The following PINK1 variants were observed in gnomAD, a reference collection of about 807,000 sequenced individuals.
The protein encoded by PINK1 is PTEN induced kinase 1, also known as serine/threonine-protein kinase PINK1, mitochondrial.
Under a neutral mutation model 56.0 loss-of-function variants are expected in PINK1, and 58 were observed. The ratio of observed to expected loss-of-function variants is 1.04; its 90% CI spans 0.84 to 1.29. The LOEUF is 1.29. PINK1 is among the 50% of genes most tolerant of loss of function. The pLI is 0.00. For synonymous variants in PINK1, 354 were observed against 339.3 expected, an observed-to-expected ratio of 1.04 and a Z score of -0.48; for missense variants, 745 against 777.9, an observed-to-expected ratio of 0.96 and a Z score of 0.50.
In PINK1 at chr1:20,645,609, C is replaced by T. The variant is rs748041977; in HGVS notation, c.1009C>T (p.Arg337Cys). 35 of 1,614,048 alleles carry T rather than the reference C, an allele frequency of 2.2e-5. No individual in the cohort carries two copies. Among genetic ancestry groups the T allele is most frequent in the Non-Finnish European group, 2.7e-5 (32 of 1,180,044 alleles). ...QYLCVNTPSP[R>C]LAAMMLLQLL... ...CCTTTGTGTGAACACACCCAGCCCC[C>T]GCCTCGCCGCCATGATGCTGCTGCA... The change falls in exon 5 of 8, where the codon CGC becomes TGC. Residue 337 changes from arginine (R) to cysteine (C), a missense_variant. Transcript: ENST00000321556.
chr1:20,636,405 G>A (rs571513920), intron 1 of PINK1, among the ~76,000 whole-genome samples: 15 of 151,130 alleles, frequency 9.9e-5, no homozygotes, highest in South Asian at 4.2e-4. Flanking sequence ...GCAATGGCAC[G>A]ATCTCAGCTC....
At chr1:20,644,982 C>T (rs2053160374) in intron 4 of PINK1, among the ~76,000 whole-genome samples, 1 of 152,188 alleles carries the variant, frequency 6.6e-6, no homozygotes, top group South Asian at 2.1e-4. Context: ...GTTCTCCTTC[C>T]TCACCCTCTG....
intron 1 of PINK1, among the ~76,000 whole-genome samples, chr1:20,635,747 G>A (rs1351684477): frequency 6.9e-6 from 1 of 145,246 alleles, no homozygotes; most frequent in Non-Finnish European, 1.5e-5. Flanking sequence ...TACTCGGGAG[G>A]CTGAGGCAGG....
chr1:20,641,742 C>G lies in PINK1; in HGVS notation c.776+1750C>G, dbSNP rs976999468. 3.9e-5 allele frequency among the ~76,000 whole-genome samples: 6 copies of G among 152,076 alleles called. No individual in the cohort carries two copies. The highest frequency in any genetic ancestry group is 1.3e-4 in the Admixed American group (2 of 15,262). On this transcript the variant is annotated intron_variant, in intron 3 of 7. Coordinates refer to ENST00000321556, the MANE Select transcript of PINK1 (RefSeq NM_032409.3). The surrounding 1 kb of genome is among the most constrained non-coding windows in gnomAD (Gnocchi z 4.0). ...TCTCACCACGTCTCCCGCCTTATCT[C>G]TCACCCTTCTCATCAGCACCCTACA...
intron 1 of PINK1, 48 bp downstream of exon 1, chr1:20,633,983 G>A (rs1010332507): frequency 6.5e-7 from 1 of 1,548,950 alleles, no homozygotes; most frequent in Non-Finnish European, 8.7e-7. Context: ...AGCTAAGCGC[G>A]GGGGCGGGTC....
Position 20,649,238 on chromosome 1 carries a change from C to T in PINK1, c.1488+7C>T, listed in dbSNP as rs758604062. On this transcript the variant is annotated splice_region_variant and intron_variant, in intron 7 of 7. Transcript: ENST00000321556. ...CCAGCGAGAGGCCAGCAAGGTGAGG[C>T]TGTCCCCGGCTTCGAGGGGACGGTG... 6.8e-6 allele frequency: 11 copies of T among 1,613,628 alleles called. No homozygotes were observed. The Admixed American group carries it at 1.8e-4, about 27-fold the overall frequency.
At chr1:20,645,815 T>A (rs2154533878) in intron 5 of PINK1, 92 bp downstream of exon 5, 4 of 1,014,634 alleles carry the variant, frequency 3.9e-6, no homozygotes, top group Non-Finnish European at 4.2e-6. Context: ...CTCTCTGGTT[T>A]TGTGTTCTAA....
In PINK1 at chr1:20,650,447, G is replaced by C. The variant is rs61744200; in HGVS notation, c.1502G>C (p.Arg501Pro). 1.2e-5 allele frequency: 19 copies of C among 1,613,884 alleles called. No individual in the cohort carries two copies. Among genetic ancestry groups the C allele is most frequent in the Non-Finnish European group, 1.6e-5 (19 of 1,179,888 alleles). ...QREASKRPSARVAANVLHLSL... is the reference protein window; with the variant it reads ...QREASKRPSAPVAANVLHLSL... The stretch of plus-strand genomic sequence containing the variant: ...TTCCTGTTGCAGAGACCATCTGCCC[G>C]AGTAGCCGCAAATGTGCTTCATCTA... Residue 501 changes from arginine (R) to proline (P), a missense_variant, in exon 8 of 8, where the codon CGA becomes CCA. Arg to Pro is a moderately radical substitution (Grantham distance 103). Coordinates refer to ENST00000321556, the MANE Select transcript of PINK1 (RefSeq NM_032409.3).
chr1:20,648,290 TG>T, intron 5 of PINK1: 1 of 626,554 alleles, frequency 1.6e-6, no homozygotes, highest in Non-Finnish European at 2.8e-6. Context: ...GTCCTTTGCC[TG>T]GGGATTTTGC....
Position 20,633,477 on chromosome 1 carries a change from T to G in PINK1, c.-72T>G. 1 of 1,069,108 alleles carries G rather than the reference T, an allele frequency of 9.4e-7. No individual in the cohort carries two copies. Among genetic ancestry groups the G allele is most frequent in the Non-Finnish European group, 1.1e-6 (1 of 881,862 alleles). 66.2% of individuals were successfully genotyped at this position (1,069,108 alleles called of 1,614,324 possible). ...CTGCGCAGAGGCACCGCCCCAAGTT[T>G]GTTGTGACCGGCGGGGGACGCCGGT... On this transcript the variant is annotated 5_prime_UTR_variant, in exon 1 of 8. Coordinates refer to ENST00000321556, the MANE Select transcript of PINK1 (RefSeq NM_032409.3).
Position 20,644,515 on chromosome 1 carries a change from C to T in PINK1, c.802C>T (p.Leu268=). 1 of 1,614,236 alleles carries T rather than the reference C, an allele frequency of 6.2e-7. No homozygotes were observed. Among genetic ancestry groups the T allele is most frequent in the Non-Finnish European group, 8.5e-7 (1 of 1,180,044 alleles). ...AAAATCCAAGAGAGGTCCCAAGCAA[C>T]TAGCCCCTCACCCCAACATCATCCG... is the stretch of plus-strand genomic sequence containing the variant. ...YRKSKRGPKQ[L]APHPNIIRVL... is the part of the protein sequence containing the mutation. Residue 268 remains leucine, a synonymous_variant, in exon 4 of 8, where the codon CTA becomes TTA. Transcript: ENST00000321556.
chr1:20,637,507 C>T (rs953624609), intron 1 of PINK1, among the ~76,000 whole-genome samples: 2 of 152,176 alleles, frequency 1.3e-5, no homozygotes, highest in Middle Eastern at 6.3e-3. Context: ...CGAGCTGTCT[C>T]CATAATCAGA....
intron 5 of PINK1, among the ~76,000 whole-genome samples, chr1:20,646,027 A>T (rs1483151873): frequency 3.3e-5 from 5 of 151,888 alleles, no homozygotes; most frequent in Non-Finnish European, 7.4e-5. Flanking sequence ...TAATCCCAAC[A>T]CTTTGGGAGG....
Position 20,648,650 on chromosome 1 carries a change from C to T in PINK1, c.1251+18C>T. On this transcript the variant is annotated intron_variant, in intron 6 of 7. Transcript: ENST00000321556. ...CCCCAGAGGTGAGTCCCGAGTGTGT[C>T]ATGCGCCATCGGCAGCCCTTCCCCC... 1.2e-6 allele frequency: 2 copies of T among 1,612,964 alleles called. No individual in the cohort carries two copies. Among genetic ancestry groups the T allele is most frequent in the South Asian group, 1.1e-5 (1 of 91,024 alleles).
intron 4 of PINK1, 99 bp from the exon 5 acceptor site, chr1:20,645,461 C>T: frequency 1.5e-6 from 2 of 1,353,254 alleles, no homozygotes; most frequent in Admixed American, 4.0e-5. Context: ...TGCACTCCAG[C>T]TTGGCGACAG....
chr1:20,643,729 C>T (rs182000379), intron 3 of PINK1, among the ~76,000 whole-genome samples: 36 of 152,296 alleles, frequency 2.4e-4, no homozygotes, highest in Non-Finnish European at 4.4e-4. Context: ...GTGCTAGACA[C>T]GATTCTAGGT....
chr1:20,648,974 T>C (rs2154533999), intron 6 of PINK1, 21 bp from the exon 7 acceptor site: 1 of 1,609,634 alleles, frequency 6.2e-7, no homozygotes, highest in East Asian at 2.2e-5. Flanking sequence ...GCGTGATGTC[T>C]CACCCACTGC....
At chr1:20,639,859 T>C (rs1252419614) in intron 2 of PINK1, 33 bp from the exon 3 acceptor site, 2 of 1,588,746 alleles carry the variant, frequency 1.3e-6, no homozygotes, top group South Asian at 2.3e-5. Flanking sequence ...TGCTCCGGCC[T>C]GTGTAACCCT....
At chr1:20,646,575 C>T (rs373034186) in intron 5 of PINK1, among the ~76,000 whole-genome samples, 1 of 151,852 alleles carries the variant, frequency 6.6e-6, no homozygotes, top group South Asian at 2.1e-4. Context: ...ACCCGGGAGG[C>T]GGAGGTTGTA....
Sources: allele counts gnomAD v4.1 joint callset (sites outside exome capture counted in the v4.1 genomes callset), GRCh38; gene constraint gnomAD v4.1.1; non-coding constraint Gnocchi (gnomAD v3.1); transcripts MANE v1.5; gene names NCBI Gene and HGNC (gene_info 2026-07-23, HGNC 2026-07-21).